The following ZAN variants were observed in gnomAD, a reference collection of about 807,000 sequenced individuals.
The protein encoded by ZAN is zonadhesin (gene/pseudogene).
ZAN carries 260 observed loss-of-function variants against 286.2 expected under a neutral mutation model. That is an observed-to-expected ratio of 0.91 (90% CI 0.82 to 1.01). ZAN has a LOEUF of 1.01. Among genes scored for constraint, ZAN ranks in the 50% least tolerant of loss-of-function variants. The pLI is 0.00. For synonymous variants in ZAN, 1,368 were observed against 1,417.5 expected, an observed-to-expected ratio of 0.97 and a Z score of 0.79; for missense variants, 3,410 against 3,639.2, an observed-to-expected ratio of 0.94 and a Z score of 1.62.
chr7:100,754,108 G>T (rs1808981447), intron 14 of ZAN, among the ~76,000 whole-genome samples: 2 of 152,048 alleles, frequency 1.3e-5, no homozygotes, highest in African/African-American at 4.8e-5. Context: ...TTCACTGAGT[G>T]TAATGTTTTC....
chr7:100,757,124 C>A (rs1272159939), intron 15 of ZAN, among the ~76,000 whole-genome samples: 2 of 151,904 alleles, frequency 1.3e-5, no homozygotes, highest in Non-Finnish European at 2.9e-5. Context: ...TTAGTACTTT[C>A]TTCAAAGGTG....
rs773867083 is a variant in ZAN at position 100,737,098 on chromosome 7, T to C, written c.525+18T>C. On this transcript the variant is annotated intron_variant, in intron 5 of 47. Coordinates refer to ENST00000613979, the MANE Select transcript of ZAN (RefSeq NM_003386.3). The stretch of plus-strand genomic sequence containing the variant: ...CCACCCGGGTAAGGCCGGGGACAAA[T>C]TGTGGGACCTCGGGGGGGAGTCTGG... 3.4e-6 allele frequency: 5 copies of C among 1,482,354 alleles called. No homozygotes were observed. The African/African-American group carries it at 4.3e-5, about 13-fold the overall frequency. 91.8% of individuals were successfully genotyped at this position (1,482,354 alleles called of 1,614,324 possible).
chr7:100,797,719 A>G lies in ZAN; in HGVS notation c.8426A>G (p.Asp2809Gly). Residue 2809 changes from aspartate (D) to glycine (G), a missense_variant, in exon 48 of 48, where the codon GAC (aspartate) becomes GGC (glycine). Coordinates refer to ENST00000613979, the MANE Select transcript of ZAN (RefSeq NM_003386.3). ...GCTTTCTCCTCAGATACTGTTCTGGACTGTGCCTGTTAAGTTGCTCAGTTT... is the reference window on the plus strand; with the variant it reads ...GCTTTCTCCTCAGATACTGTTCTGGGCTGTGCCTGTTAAGTTGCTCAGTTT... ...ARLVDTDTVL[D>G]CAC 8 of 1,613,956 alleles carry G rather than the reference A, an allele frequency of 5.0e-6. No individual in the cohort carries two copies. Among genetic ancestry groups the G allele is most frequent in the Non-Finnish European group, 6.8e-6 (8 of 1,179,884 alleles).
Position 100,752,489 on chromosome 7 carries a change from C to T in ZAN, c.2384C>T (p.Thr795Ile). The T allele has an allele frequency of 6.2e-7, 1 of 1,611,196 alleles. No homozygotes were observed. Among genetic ancestry groups the T allele is most frequent in the South Asian group, 1.1e-5 (1 of 90,890 alleles). ...CCCACCATTCCCACAGAAAAACCCA[C>T]CATCTCCACAGAAGAGCCCACCACC... ...EKPTIPTEKP[T>I]ISTEEPTTPT... Residue 795 changes from threonine (T) to isoleucine (I), a missense_variant, in exon 14 of 48, where the codon ACC (threonine) becomes ATC (isoleucine). Around this residue, in one of 7 missense-constraint regions of ZAN, gnomAD observed 90 missense variants for 87.1 expected, o/e 1.03. Transcript: ENST00000613979.
At position 100,763,768 on chromosome 7, in the gene ZAN, G is replaced by GA. The variant is rs1562935265; in HGVS notation, c.3987-38_3987-37insA. 6.2e-7 allele frequency: 1 copy of GA among 1,601,968 alleles called. No individual in the cohort carries two copies. Among genetic ancestry groups the GA allele is most frequent in the South Asian group, 1.1e-5 (1 of 90,742 alleles). On this transcript the variant is annotated intron_variant, in intron 20 of 47. Coordinates refer to ENST00000613979, the MANE Select transcript of ZAN (RefSeq NM_003386.3). The surrounding 1 kb of genome is among the most constrained non-coding windows in gnomAD (Gnocchi z 4.6). Reference sequence around the variant, plus strand: ...TGGGTTAGGGATGAGCTGGAAGCGAGCTTTGTCTTTAGGGAGTTTGGGGTG... The same window carrying GA: ...TGGGTTAGGGATGAGCTGGAAGCGAGACTTTGTCTTTAGGGAGTTTGGGGTG...
At chr7:100,792,299 A>G in intron 41 of ZAN, 106 bp from the exon 42 acceptor site, 1 of 1,515,864 alleles carries the variant, frequency 6.6e-7, no homozygotes, top group Non-Finnish European at 8.9e-7. Flanking sequence ...CTCACTGGAC[A>G]CCGACTGATG....
chr7:100,761,334 T>C (rs1809564163), intron 19 of ZAN, among the ~76,000 whole-genome samples: 1 of 151,982 alleles, frequency 6.6e-6, no homozygotes, highest in Admixed American at 6.6e-5. Flanking sequence ...TGAGACCATA[T>C]CTCCACAAAA....
intron 42 of ZAN, among the ~76,000 whole-genome samples, chr7:100,792,968 G>A (rs1812089097): frequency 1.2e-5 from 1 of 85,782 alleles, no homozygotes; most frequent in African/African-American, 4.2e-5. Context: ...GGGCAACAGA[G>A]CAACATCCTA....
intron 7 of ZAN, among the ~76,000 whole-genome samples, chr7:100,744,869 G>GA: frequency 7.0e-6 from 1 of 142,002 alleles, no homozygotes; most frequent in East Asian, 2.0e-4. Flanking sequence ...GGTCTCCTTG[G>GA]TTTTTTTTTT....
chr7:100,754,119 C>T (rs186983238), intron 14 of ZAN, among the ~76,000 whole-genome samples: 19 of 152,112 alleles, frequency 1.2e-4, no homozygotes, highest in Admixed American at 8.5e-4. Context: ...TAATGTTTTC[C>T]GGGCCATCCA....
intron 7 of ZAN, among the ~76,000 whole-genome samples, chr7:100,745,626 C>T (rs1387511597): frequency 6.6e-6 from 1 of 152,086 alleles, no homozygotes; most frequent in Non-Finnish European, 1.5e-5. Context: ...TGGCTCAAGC[C>T]TGTAATCCCA....
intron 18 of ZAN, 127 bp downstream of exon 18, chr7:100,759,972 G>A (rs1809437780): frequency 7.1e-7 from 1 of 1,400,048 alleles, no homozygotes; most frequent in South Asian, 1.5e-5. Flanking sequence ...CCAGCTCCTT[G>A]GGAGGCTAAA....
chr7:100,794,316 C>T, intron 44 of ZAN, 58 bp downstream of exon 44: 1 of 1,532,386 alleles, frequency 6.5e-7, no homozygotes, highest in Non-Finnish European at 8.8e-7. Context: ...CGTCCATGGA[C>T]CAAGGATCGT....
chr7:100,779,690 G>C lies in ZAN; in HGVS notation c.6562G>C (p.Gly2188Arg). ...CCTCTGCCAGGCTCTGCAAGCCTTC[G>C]GGGCCACCTGCCAGAGCCAGGGGCT... is the stretch of plus-strand genomic sequence containing the variant. ...QALCQALQAF[G>R]ATCQSQGLKP... The change falls in exon 35 of 48, where the codon GGG becomes CGG. Residue 2188 changes from glycine (G) to arginine (R), a missense_variant. Coordinates refer to ENST00000613979, the MANE Select transcript of ZAN (RefSeq NM_003386.3). The C allele has an allele frequency of 6.4e-7, 1 of 1,561,568 alleles. No individual in the cohort carries two copies. The highest frequency in any genetic ancestry group is 8.7e-7 in the Non-Finnish European group (1 of 1,153,142).
rs781686542 is a variant in ZAN at position 100,767,021 on chromosome 7, TG to T, written c.4625del (p.Cys1542SerfsTer10). On this transcript the variant is annotated frameshift_variant, in exon 25 of 48. Transcript: ENST00000613979. LOFTEE classifies it high-confidence loss of function. Reference protein sequence around the residue: ...YGCHAQGAATCTASGDPHYLT... With the variant: ...YGCHAQGAATXTASGDPHYLT... ...CTTCTTCTCCACAGGTGCCGCCACC[TG>T]CACAGCCTCGGGTGACCCCCACTAC... 1.2e-4 allele frequency: 187 copies of T among 1,613,734 alleles called. No homozygotes were observed. The highest frequency in any genetic ancestry group is 1.6e-4 in the Non-Finnish European group (185 of 1,179,832).
At chr7:100,743,761 C>T (rs1353967506) in intron 7 of ZAN, among the ~76,000 whole-genome samples, 1 of 151,350 alleles carries the variant, frequency 6.6e-6, no homozygotes, top group Non-Finnish European at 1.5e-5. Context: ...CCTGTAGTCC[C>T]AGATACTCGG....
Position 100,762,341 on chromosome 7 carries a change from C to T in ZAN, c.3969C>T (p.Asp1323=). Residue 1323 remains aspartate (D), a synonymous_variant, in exon 20 of 48, where the codon GAC becomes GAT. Transcript: ENST00000613979. ...AGCTGGGGAACAGCTGGCAGACGGA[C>T]CAGGACGAGGACCAGGAGTGAGCAA... The part of the protein sequence containing the change: ...KEELGNSWQT[D]QDEDQECQKY... 6.2e-7 allele frequency: 1 copy of T among 1,612,600 alleles called. No individual in the cohort carries two copies. The highest frequency in any genetic ancestry group is 1.1e-5 in the South Asian group (1 of 90,976).
Position 100,767,103 on chromosome 7 carries a change from C to A in ZAN, c.4706C>A (p.Thr1569Asn), listed in dbSNP as rs1211780789. 2 of 1,613,812 alleles carry A rather than the reference C, an allele frequency of 1.2e-6. No homozygotes were observed. The highest frequency in any genetic ancestry group is 1.3e-5 in the African/African-American group (1 of 74,910). ...ATGGGCACCTGCACCTATGTCCTGA[C>A]CCGGCCTTGCTGGTCCAGGTCCCAA... ...HFMGTCTYVL[T>N]RPCWSRSQDS... The change falls in exon 25 of 48, where the codon ACC becomes AAC. Residue 1569 changes from threonine (T) to asparagine (N), a missense_variant. Physicochemically the swap from Thr to Asn is moderately conservative, Grantham distance 65. Coordinates refer to ENST00000613979, the MANE Select transcript of ZAN (RefSeq NM_003386.3).
intron 36 of ZAN, among the ~76,000 whole-genome samples, 171 bp from the exon 37 acceptor site, chr7:100,785,826 T>G (rs1562953983): frequency 1.3e-5 from 2 of 152,076 alleles, no homozygotes; most frequent in Non-Finnish European, 1.5e-5. Context: ...ACCTGGCTAA[T>G]TTTTGTATTT....
Sources: gnomAD v4.1 joint callset for allele counts (sites outside exome capture counted in the v4.1 genomes callset) on GRCh38, gnomAD v4.1.1 for gene constraint, gnomAD v4.1.1 regional missense constraint, Gnocchi (gnomAD v3.1) non-coding constraint, MANE v1.5 for transcripts, NCBI Gene and HGNC (gene_info 2026-07-23, HGNC 2026-07-21) for gene names.